DIPK1B: variants seen among roughly 807,000 people sequenced by gnomAD.
DIPK1B encodes divergent protein kinase domain 1B.
A neutral mutation model predicts 20.7 loss-of-function variants in DIPK1B; 17 were observed. The observed-to-expected ratio is 0.82, with a 90% CI of 0.56 to 1.23. The LOEUF is 1.23. DIPK1B is among the 50% of genes most tolerant of loss of function. The pLI, the probability that DIPK1B is intolerant of heterozygous loss-of-function variation, is 0.00. For synonymous variants in DIPK1B, 343 were observed against 276.5 expected (o/e 1.24, Z -2.39); for missense variants, 648 against 601.8 (o/e 1.08, Z -0.80).
In DIPK1B at chr9:136,724,012, A is replaced by T. The variant is rs948208879; in HGVS notation, c.*238A>T. 6 of 564,734 alleles carry T rather than the reference A, an allele frequency of 1.1e-5. No homozygotes were observed. Among genetic ancestry groups the T allele is most frequent in the Non-Finnish European group, 1.9e-5 (6 of 315,376 alleles). The allele number at this position is 564,734 out of a possible 1,614,324, so 35.0% of individuals were successfully genotyped here. On this transcript the variant is annotated 3_prime_UTR_variant, in exon 5 of 5. Coordinates refer to ENST00000371692, the MANE Select transcript of DIPK1B (RefSeq NM_152421.4). ...GGGGGTTTGTTACTCTGAAGAACGT[A>T]ATGTCAATAAACAGCTTTTATGTAA...
At chr9:136,721,560 T>C in intron 2 of DIPK1B, 2 of 280,954 alleles carry the variant, frequency 7.1e-6, no homozygotes, top group Non-Finnish European at 7.0e-6. Context: ...CAGAGCTGGG[T>C]CGGCTGGGCG....
At chr9:136,717,755 G>T in intron 2 of DIPK1B, 44 bp downstream of exon 2, 1 of 1,605,422 alleles carries the variant, frequency 6.2e-7, no homozygotes. Flanking sequence ...CGTGCCCCCT[G>T]CTGCCCAAGA....
chr9:136,712,751 G>C lies in DIPK1B; in HGVS notation c.63+23G>C. ...CAGGTAAGCGCGGTGCGCGCCCGCC[G>C]CCCCCGGCCGCCTCTGCCTGGGGAG... is the stretch of plus-strand genomic sequence containing the variant. On this transcript the variant is annotated intron_variant, in intron 1 of 4. Transcript: ENST00000371692. The surrounding 1 kb of genome is among the most constrained non-coding windows in gnomAD (Gnocchi z 5.6). 2.3e-6 allele frequency: 3 copies of C among 1,318,910 alleles called. No individual in the cohort carries two copies. Among genetic ancestry groups the C allele is most frequent in the Non-Finnish European group, 2.9e-6 (3 of 1,037,450 alleles). The allele number at this position is 1,318,910 out of a possible 1,614,324, so 81.7% of individuals were successfully genotyped here. A position where few individuals can be genotyped will look rare whatever the true frequency, so the allele number is the denominator to read the frequency against.
intron 2 of DIPK1B, among the ~76,000 whole-genome samples, chr9:136,718,760 C>T (rs1399947840): frequency 2.0e-5 from 3 of 152,216 alleles, no homozygotes; most frequent in Non-Finnish European, 4.4e-5. Context: ...AGCACCTCTC[C>T]TGGCAACTGG....
chr9:136,720,676 G>A (rs575333923), intron 2 of DIPK1B, among the ~76,000 whole-genome samples: 15 of 152,338 alleles, frequency 9.8e-5, no homozygotes, highest in African/African-American at 3.4e-4. Context: ...GGACAGGCCC[G>A]GAGTCATTGT....
intron 2 of DIPK1B, among the ~76,000 whole-genome samples, chr9:136,720,235 A>G (rs1433092637): frequency 6.6e-6 from 1 of 151,844 alleles, no homozygotes; most frequent in Non-Finnish European, 1.5e-5. Flanking sequence ...CTTGACGAAG[A>G]GCCGGCGTTT....
rs759660841 is a variant in DIPK1B, at chr9:136,722,984, C to T, written c.506C>T (p.Ser169Phe). The change falls in exon 5 of 5, where the codon TCC (serine) becomes TTC (phenylalanine). Residue 169 changes from serine (S) to phenylalanine (F), a missense_variant. Physicochemically the swap from Ser to Phe is radical, Grantham distance 155. Transcript: ENST00000371692. ...CAGGCGAACCTGGGAGACCTGCCTT[C>T]CCTGCCGGCGCTGGTTGGCCAGGTC... ...FLKANLGDLP[S>F]LPALVGQVLL... 1.4e-5 allele frequency: 22 copies of T among 1,607,818 alleles called. No individual in the cohort carries two copies. The highest frequency in any genetic ancestry group is 6.7e-5 in the East Asian group (3 of 44,708).
chr9:136,716,216 G>A (rs1340658731), intron 1 of DIPK1B, among the ~76,000 whole-genome samples: 1 of 151,614 alleles, frequency 6.6e-6, no homozygotes, highest in Non-Finnish European at 1.5e-5. Flanking sequence ...TGAACTTAAG[G>A]ACTGCCCACC....
At position 136,722,230 on chromosome 9, in the gene DIPK1B, G is replaced by T. The variant is rs756320668; in HGVS notation, c.412G>T (p.Val138Leu). The T allele has an allele frequency of 1.2e-6, 2 of 1,613,942 alleles. No individual in the cohort carries two copies. The highest frequency in any genetic ancestry group is 1.1e-5 in the South Asian group (1 of 91,082). Residue 138 changes from valine (V) to leucine (L), a missense_variant, in exon 4 of 5, where the codon GTA becomes TTA. Coordinates refer to ENST00000371692, the MANE Select transcript of DIPK1B (RefSeq NM_152421.4). ...GGATGCGGCCCCCCGGCGGGAGCTG[G>T]TACTGTTTGACAAGCCCACCCGGGG... The part of the protein sequence containing the change: ...RSDAAPRREL[V>L]LFDKPTRGTS...
intron 1 of DIPK1B, among the ~76,000 whole-genome samples, chr9:136,714,740 C>T (rs914602902): frequency 1.3e-5 from 2 of 152,256 alleles, no homozygotes; most frequent in Non-Finnish European, 2.9e-5. Flanking sequence ...GGGCTCCCCA[C>T]ACCGGAGCCA....
chr9:136,719,289 G>A (rs974995203), intron 2 of DIPK1B, among the ~76,000 whole-genome samples: 2 of 152,138 alleles, frequency 1.3e-5, no homozygotes, highest in African/African-American at 4.8e-5. Flanking sequence ...AGGGTGCCCT[G>A]GCCCTTTGCC....
chr9:136,722,214 C>T lies in DIPK1B; in HGVS notation c.396C>T (p.Ala132=), dbSNP rs1387567915. The T allele has an allele frequency of 1.2e-6, 2 of 1,613,888 alleles. No homozygotes were observed. The highest frequency in any genetic ancestry group is 1.3e-5 in the African/African-American group (1 of 74,912). Residue 132 remains alanine, a synonymous_variant, in exon 4 of 5, where the codon GCC becomes GCT. Transcript: ENST00000371692. ...TLDSKARSDA[A]PRRELVLFDK... ...ACTCCAAGGCCCGGTCGGATGCGGC[C>T]CCCCGGCGGGAGCTGGTACTGTTTG... is the stretch of plus-strand genomic sequence containing the variant.
At chr9:136,715,221 G>C (rs1370314072) in intron 1 of DIPK1B, among the ~76,000 whole-genome samples, 1 of 152,258 alleles carries the variant, frequency 6.6e-6, no homozygotes, top group Non-Finnish European at 1.5e-5. Flanking sequence ...GCAGGTCAGG[G>C]ATGTCTGAAC....
At chr9:136,713,710 G>C (rs1846458220) in intron 1 of DIPK1B, among the ~76,000 whole-genome samples, 2 of 152,264 alleles carry the variant, frequency 1.3e-5, no homozygotes, top group Non-Finnish European at 2.9e-5. Flanking sequence ...CTGCAGAAGA[G>C]ATGCTGATGC....
intron 4 of DIPK1B, 107 bp downstream of exon 4, chr9:136,722,408 A>G: frequency 7.8e-7 from 1 of 1,276,712 alleles, no homozygotes; most frequent in South Asian, 1.4e-5. Flanking sequence ...AGATGGGCCC[A>G]AGTGGACCCT....
At chr9:136,713,063 G>C (rs1391559258) in intron 1 of DIPK1B, among the ~76,000 whole-genome samples, 1 of 152,182 alleles carries the variant, frequency 6.6e-6, no homozygotes, top group Non-Finnish European at 1.5e-5. Context: ...GTTATTCTGC[G>C]GTAGAAAACT....
intron 2 of DIPK1B, among the ~76,000 whole-genome samples, chr9:136,720,631 G>T (rs770810968): frequency 3.3e-5 from 5 of 152,210 alleles, no homozygotes; most frequent in Non-Finnish European, 7.4e-5. Context: ...TCTCCCTGGG[G>T]GTCTGGCTAA....
rs1846669081 is a variant in DIPK1B, at chr9:136,724,317, G to A, written c.*543G>A. 6.6e-6 allele frequency among the ~76,000 whole-genome samples: 1 copy of A among 152,222 alleles called. No homozygotes were observed. Among genetic ancestry groups the A allele is most frequent in the African/African-American group, 2.4e-5 (1 of 41,452 alleles). The stretch of plus-strand genomic sequence containing the variant: ...CCCCAAACCTGGGCTGTGCACAACA[G>A]ACCAAGAAAAAGGTGTTCCAGTAAG... On this transcript the variant is annotated 3_prime_UTR_variant, in exon 5 of 5. Transcript: ENST00000371692.
At chr9:136,717,952 G>A (rs1421488797) in intron 2 of DIPK1B, among the ~76,000 whole-genome samples, 6 of 150,502 alleles carry the variant, frequency 4.0e-5, no homozygotes, top group African/African-American at 1.5e-4. Flanking sequence ...TCCAGAGGAG[G>A]ATGGGGGAGA....
Sources: allele counts gnomAD v4.1 joint callset (sites outside exome capture counted in the v4.1 genomes callset), GRCh38; gene constraint gnomAD v4.1.1; non-coding constraint Gnocchi (gnomAD v3.1); transcripts MANE v1.5; gene names NCBI Gene and HGNC (gene_info 2026-07-23, HGNC 2026-07-21).